MBNL2: variants seen among roughly 807,000 people sequenced by gnomAD.
MBNL2 encodes muscleblind like splicing regulator 2, also known as muscleblind-like protein 2.
A neutral mutation model predicts 41.9 loss-of-function variants in MBNL2; 17 were observed. The observed-to-expected ratio is 0.41, with a 90% CI of 0.28 to 0.61. The LOEUF (loss-of-function observed/expected upper bound fraction) is 0.61. Ranked by LOEUF, MBNL2 falls within the 20% of genes least tolerant of loss-of-function variation. The pLI, the probability that MBNL2 is intolerant of heterozygous loss-of-function variation, is 0.35. For synonymous variants in MBNL2, 195 were observed against 182.9 expected (o/e 1.07, Z -0.53); for missense variants, 336 against 505.6 (o/e 0.66, Z 3.22).
chr13:97,381,027 C>T (rs2153157465), intron 8 of MBNL2, among the ~76,000 whole-genome samples: 1 of 152,056 alleles, frequency 6.6e-6, no homozygotes, highest in East Asian at 1.9e-4. Context: ...TCCTTTGCAC[C>T]TAGATTTTAC....
intron 1 of MBNL2, among the ~76,000 whole-genome samples, chr13:97,267,307 C>G (rs951914611): frequency 2.0e-5 from 3 of 152,176 alleles, no homozygotes; most frequent in Non-Finnish European, 4.4e-5. Flanking sequence ...TTCTGAAAAT[C>G]TAACACTTAG....
chr13:97,149,677 A>G, the MBNL2 span, among the ~76,000 whole-genome samples: 1 of 152,126 alleles, frequency 6.6e-6, no homozygotes, highest in Non-Finnish European at 1.5e-5. Flanking sequence ...TCAGCTGCCC[A>G]ACACAAACTA....
intron 2 of MBNL2, among the ~76,000 whole-genome samples, chr13:97,280,283 AG>A (rs1594140388): frequency 1.3e-5 from 2 of 152,198 alleles, no homozygotes; most frequent in Admixed American, 6.5e-5. Flanking sequence ...AACATCAAGA[AG>A]GGGGTGCATA....
chr13:97,233,844 G>A (rs1243458093), intron 1 of MBNL2, among the ~76,000 whole-genome samples: 1 of 151,842 alleles, frequency 6.6e-6, no homozygotes, highest in Non-Finnish European at 1.5e-5. Flanking sequence ...TGTTCTCCTG[G>A]GTACTCAAGT....
intron 1 of MBNL2, among the ~76,000 whole-genome samples, chr13:97,263,421 G>C (rs978911380): frequency 1.3e-5 from 2 of 152,040 alleles, no homozygotes; most frequent in African/African-American, 2.4e-5. Flanking sequence ...GTGATACTTA[G>C]GCAGACAAAG....
At chr13:97,211,479 A>G in the MBNL2 span, among the ~76,000 whole-genome samples, 2 of 152,260 alleles carry the variant, frequency 1.3e-5, no homozygotes, top group African/African-American at 4.8e-5. Flanking sequence ...GTTCAAGATT[A>G]GAATGACTCA....
chr13:97,386,941 C>G (rs2065968489), intron 8 of MBNL2, among the ~76,000 whole-genome samples: 6 of 151,968 alleles, frequency 3.9e-5, no homozygotes. Context: ...TAGAAAAGTA[C>G]TCATGATTTG....
At chr13:97,204,847 G>A in the MBNL2 span, among the ~76,000 whole-genome samples, 1 of 151,936 alleles carries the variant, frequency 6.6e-6, no homozygotes, top group East Asian at 1.9e-4. Context: ...TTTGAGATGG[G>A]CAAATCACCT....
At chr13:97,218,425 C>CA (rs1425962555), upstream of MBNL2, among the ~76,000 whole-genome samples, 15 of 67,514 alleles carry the variant, frequency 2.2e-4, no homozygotes, top group African/African-American at 9.2e-4. Context: ...AAAACAAAAA[C>CA]AAAACAAAAC....
In MBNL2 at chr13:97,366,421, C is replaced by A. The variant is rs1463958635; in HGVS notation, c.1048+1250C>A. 1 of 943,450 alleles carries A rather than the reference C, an allele frequency of 1.1e-6. No individual in the cohort carries two copies. The highest frequency in any genetic ancestry group is 1.7e-6 in the Non-Finnish European group (1 of 575,532). 58.4% of individuals were successfully genotyped at this position (943,450 alleles called of 1,614,324 possible). On this transcript the variant is annotated intron_variant, in intron 8 of 8. Coordinates refer to ENST00000679496, the MANE Select transcript of MBNL2 (RefSeq NM_001382683.1). This position sits in a 1 kb window ranked among gnomAD's most constrained non-coding sequence, Gnocchi z 4.7. Reference sequence around the variant, plus strand: ...CACTTCTATTACCATAATGCTACACCCTCCTGTTCATTGCTCCCATGGTTC... The same window carrying A: ...CACTTCTATTACCATAATGCTACACACTCCTGTTCATTGCTCCCATGGTTC...
chr13:97,306,804 C>T (rs1453401862), intron 2 of MBNL2, among the ~76,000 whole-genome samples: 2 of 152,186 alleles, frequency 1.3e-5, no homozygotes, highest in African/African-American at 2.4e-5. Flanking sequence ...AGCCTTTGGA[C>T]ATTGGTCTCC....
At chr13:97,300,882 A>G (rs2057551687) in intron 2 of MBNL2, among the ~76,000 whole-genome samples, 1 of 152,150 alleles carries the variant, frequency 6.6e-6, no homozygotes, top group Admixed American at 6.6e-5. Flanking sequence ...TCACACAAAT[A>G]TATTGGGCAT....
At chr13:97,205,984 A>G in the MBNL2 span, among the ~76,000 whole-genome samples, 1,687 of 152,336 alleles carry the variant, frequency 0.011, 16 homozygotes, top group Middle Eastern at 0.024. Context: ...CTACCTCATC[A>G]GGAAAGTACT....
the MBNL2 span, among the ~76,000 whole-genome samples, chr13:97,144,276 A>G: frequency 0.012 from 1,897 of 152,270 alleles, 12 homozygotes; most frequent in South Asian, 0.02. Flanking sequence ...TCGCACCTCC[A>G]TGAAGGAGGG....
intron 1 of MBNL2, among the ~76,000 whole-genome samples, chr13:97,275,175 C>G (rs1379176134): frequency 6.6e-6 from 1 of 152,078 alleles, no homozygotes; most frequent in Non-Finnish European, 1.5e-5. Context: ...TCTCTGTAAA[C>G]TAGGAAGAAC....
chr13:97,351,884 CATGGTGGTGCACGCT>C (rs2062504640), intron 5 of MBNL2, among the ~76,000 whole-genome samples: 1 of 151,966 alleles, frequency 6.6e-6, no homozygotes, highest in African/African-American at 2.4e-5. Flanking sequence ...ATTAGCTGGG[CATGGTGGTGCACGCT>C]ATAATTCCAG....
chr13:97,322,180 A>G (rs1367206052), intron 2 of MBNL2, among the ~76,000 whole-genome samples: 2 of 152,096 alleles, frequency 1.3e-5, no homozygotes, highest in Non-Finnish European at 2.9e-5. Context: ...GATAAAGCCC[A>G]CACCTCTTCC....
At position 97,272,561 on chromosome 13, in the gene MBNL2, GT is replaced by G. The variant is rs532039934; in HGVS notation, c.-604-3065del. 1.6e-3 allele frequency among the ~76,000 whole-genome samples: 237 copies of G among 152,142 alleles called. 2 individuals are homozygous for G. The highest frequency in any genetic ancestry group is 5.6e-3 in the African/African-American group (233 of 41,498). ...GGTATTGCCTAGGTTTTCTTCTAGG[GT>G]TTTTTATGGTTTGGGTTTTAAATTT... On this transcript the variant is annotated intron_variant, in intron 1 of 8. Transcript: ENST00000679496.
chr13:97,226,180 G>A (rs1009929547), intron 1 of MBNL2, among the ~76,000 whole-genome samples: 11 of 152,256 alleles, frequency 7.2e-5, no homozygotes, highest in South Asian at 6.2e-4. Context: ...GACCAGTCCC[G>A]GCCTCCTCTG....
Sources: allele counts gnomAD v4.1 joint callset (sites outside exome capture counted in the v4.1 genomes callset), GRCh38; gene constraint gnomAD v4.1.1; non-coding constraint Gnocchi (gnomAD v3.1); transcripts MANE v1.5; gene names NCBI Gene and HGNC (gene_info 2026-07-23, HGNC 2026-07-21).